The following CDKL4 variants were observed in gnomAD, a reference collection of about 807,000 sequenced individuals.
CDKL4 encodes the protein cyclin-dependent kinase-like 4.
A neutral mutation model predicts 42.0 loss-of-function variants in CDKL4; 44 were observed. That is an observed-to-expected ratio of 1.05 (90% confidence interval 0.82 to 1.35). The LOEUF (loss-of-function observed/expected upper bound fraction) is 1.35, where lower values mean the gene tolerates loss of function less well. Ranked by LOEUF, CDKL4 falls within the 40% of genes most tolerant of loss-of-function variation. CDKL4 has a pLI of 0.00. For missense variants in CDKL4, 393 were observed against 369.9 expected, an observed-to-expected ratio of 1.06 and a Z score of -0.51; for synonymous variants, 120 against 121.6, an observed-to-expected ratio of 0.99 and a Z score of 0.09.
chr2:39,229,517 T>C (rs751476088), exon 2 of CDKL4: 2 of 1,604,936 alleles, frequency 1.2e-6, no homozygotes, highest in South Asian at 1.1e-5. Context: ...TTAGCTAATT[T>C]TTCATACTTT....
chr2:39,202,795 A>G (rs904900351), intron 5 of CDKL4, among the ~76,000 whole-genome samples: 2 of 152,212 alleles, frequency 1.3e-5, no homozygotes, highest in Non-Finnish European at 2.9e-5. Flanking sequence ...AGCCAGTGTT[A>G]GCATTTTATC....
chr2:39,240,707 C>T (rs1303501105), intron 1 of CDKL4, among the ~76,000 whole-genome samples: 2 of 145,894 alleles, frequency 1.4e-5, no homozygotes, highest in African/African-American at 2.5e-5. Flanking sequence ...AAAAAAGAAC[C>T]ACATGCCCCA....
At chr2:39,176,449 C>T (rs1184160698) in intron 9 of CDKL4, among the ~76,000 whole-genome samples, 1 of 152,120 alleles carries the variant, frequency 6.6e-6, no homozygotes, top group Non-Finnish European at 1.5e-5. Flanking sequence ...TTTTTCGACA[C>T]CATTTCACTC....
intron 4 of CDKL4, among the ~76,000 whole-genome samples, chr2:39,207,956 G>T (rs530906092): frequency 4.1e-4 from 63 of 152,094 alleles, no homozygotes; most frequent in South Asian, 1.2e-3. Context: ...AGAAAAATTA[G>T]CCAGGCGTGG....
intron 5 of CDKL4, among the ~76,000 whole-genome samples, chr2:39,201,145 G>A (rs1435753927): frequency 1.3e-5 from 2 of 151,968 alleles, no homozygotes; most frequent in East Asian, 1.9e-4. Context: ...ATCAAAAAGT[G>A]GGCTAAGGAC....
At chr2:39,197,938 C>G (rs533239806) in intron 5 of CDKL4, among the ~76,000 whole-genome samples, 3 of 150,556 alleles carry the variant, frequency 2.0e-5, no homozygotes, top group South Asian at 2.1e-4. Flanking sequence ...ATGAAAAAAA[C>G]CCAGGGTATT....
At chr2:39,244,018 ACGCTAGGG>A (rs1252773715), upstream of CDKL4, among the ~76,000 whole-genome samples, 1 of 152,194 alleles carries the variant, frequency 6.6e-6, no homozygotes, top group Non-Finnish European at 1.5e-5. Context: ...GGCAACCGGA[ACGCTAGGG>A]CGCGCGGGGC....
chr2:39,237,739 T>A (rs1013446570), intron 1 of CDKL4, among the ~76,000 whole-genome samples: 4 of 152,098 alleles, frequency 2.6e-5, no homozygotes, highest in African/African-American at 7.2e-5. Context: ...TATGAATATT[T>A]TTTTAAAAAA....
intron 5 of CDKL4, among the ~76,000 whole-genome samples, chr2:39,192,384 G>A (rs1358525706): frequency 2.6e-5 from 4 of 151,866 alleles, no homozygotes; most frequent in African/African-American, 9.7e-5. Flanking sequence ...TTTTTTGGAG[G>A]CAGGGTCATG....
At chr2:39,231,875 C>A (rs2148397912) in intron 1 of CDKL4, among the ~76,000 whole-genome samples, 1 of 152,240 alleles carries the variant, frequency 6.6e-6, no homozygotes, top group Admixed American at 6.5e-5. Flanking sequence ...TATGATTGTA[C>A]CACTGTATTA....
At chr2:39,184,758 AC>A in intron 7 of CDKL4, 111 bp from the exon 8 acceptor site, 1 of 683,802 alleles carries the variant, frequency 1.5e-6, no homozygotes, top group Non-Finnish European at 2.5e-6. Flanking sequence ...ATTTAGAGAT[AC>A]TGTCTCCCTC....
At chr2:39,186,749 T>A (rs995722283) in intron 7 of CDKL4, among the ~76,000 whole-genome samples, 3 of 152,040 alleles carry the variant, frequency 2.0e-5, no homozygotes, top group South Asian at 2.1e-4. Flanking sequence ...TTTAAATGCT[T>A]TTTTTTTCAA....
rs57132937 is a variant in CDKL4, at chr2:39,243,113, C to CAAA, written c.-57+755_-57+757dup. On this transcript the variant is annotated intron_variant, in intron 1 of 9. Coordinates refer to ENST00000451199, the Ensembl canonical transcript of CDKL4. The stretch of plus-strand genomic sequence containing the variant: ...TGGGGAACAAAGTGAGACCCTGTCT[C>CAAA]AAAAAAAAAAAAAAAAAAAAAAAAA... 2.9e-4 allele frequency among the ~76,000 whole-genome samples: 11 copies of CAAA among 38,442 alleles called. 1 individual carries two copies. The highest frequency in any genetic ancestry group is 1.3e-3 in the African/African-American group (9 of 6,898). 25.2% of individuals were successfully genotyped at this position (38,442 alleles called of 152,430 possible).
intron 8 of CDKL4, among the ~76,000 whole-genome samples, chr2:39,180,586 C>T (rs947829082): frequency 3.3e-5 from 5 of 152,152 alleles, no homozygotes; most frequent in African/African-American, 9.7e-5. Context: ...GCAGATGACC[C>T]CTAATTAATG....
intron 6 of CDKL4, among the ~76,000 whole-genome samples, chr2:39,189,584 G>A (rs1023443994): frequency 1.4e-4 from 21 of 152,190 alleles, no homozygotes; most frequent in African/African-American, 4.8e-4. Context: ...AGACTCTTAG[G>A]ATCTCGGGCA....
chr2:39,211,157 T>C (rs922781681), intron 4 of CDKL4, among the ~76,000 whole-genome samples: 1 of 152,162 alleles, frequency 6.6e-6, no homozygotes, highest in Non-Finnish European at 1.5e-5. Context: ...CCTGTAATCC[T>C]GGCACTTTGG....
chr2:39,227,545 T>C (rs1466460312), intron 2 of CDKL4, among the ~76,000 whole-genome samples: 1 of 151,934 alleles, frequency 6.6e-6, no homozygotes, highest in Admixed American at 6.6e-5. Flanking sequence ...CTAAGCAACA[T>C]ACTGAGACCC....
chr2:39,232,204 G>C (rs913790876), intron 1 of CDKL4, among the ~76,000 whole-genome samples: 1 of 152,040 alleles, frequency 6.6e-6, no homozygotes, highest in Non-Finnish European at 1.5e-5. Flanking sequence ...ATAAAATAAA[G>C]CTCCAGGAAA....
intron 1 of CDKL4, among the ~76,000 whole-genome samples, chr2:39,238,447 G>T (rs1403803079): frequency 1.3e-5 from 2 of 151,914 alleles, no homozygotes; most frequent in Non-Finnish European, 2.9e-5. Flanking sequence ...AAGCCAAAAT[G>T]AACAAAATTA....
Sources: gnomAD v4.1 joint callset for allele counts (sites outside exome capture counted in the v4.1 genomes callset) on GRCh38, gnomAD v4.1.1 for gene constraint, MANE v1.5 for transcripts, NCBI Gene and HGNC (gene_info 2026-07-23, HGNC 2026-07-21) for gene names.